The following CNTLN variants were observed in gnomAD, a reference collection of about 807,000 sequenced individuals.
CNTLN encodes centlein, also known as centlein, centrosomal protein.
A neutral mutation model predicts 180.0 loss-of-function variants in CNTLN; 212 were observed. The observed-to-expected ratio is 1.18, with a 90% CI of 1.05 to 1.32. CNTLN has a LOEUF of 1.32. Among genes scored for constraint, CNTLN ranks in the 40% most tolerant of loss-of-function variants. The pLI, the probability that CNTLN is intolerant of heterozygous loss-of-function variation, is 0.00. For synonymous variants in CNTLN, 722 were observed against 563.1 expected (o/e 1.28, Z -3.99); for missense variants, 2,095 against 1,610.9 (o/e 1.30, Z -5.14).
intron 3 of CNTLN, among the ~76,000 whole-genome samples, chr9:17,231,771 T>C (rs1490313871): frequency 2.8e-5 from 4 of 142,900 alleles, no homozygotes; most frequent in African/African-American, 8.7e-5. Flanking sequence ...TATGCTCAAG[T>C]ATTGCCTAAT....
chr9:17,243,551 C>G (rs1249470304), intron 5 of CNTLN, among the ~76,000 whole-genome samples: 1 of 152,062 alleles, frequency 6.6e-6, no homozygotes, highest in Non-Finnish European at 1.5e-5. Flanking sequence ...CAGTTTTCTT[C>G]TTAATTTCTT....
intron 25 of CNTLN, among the ~76,000 whole-genome samples, chr9:17,492,571 C>T (rs1228109547): frequency 1.3e-5 from 2 of 152,054 alleles, no homozygotes; most frequent in Non-Finnish European, 2.9e-5. Flanking sequence ...AAAGCTTAAA[C>T]TCTAAAGTAG....
At chr9:17,500,618 T>TGTTA (rs1232303815) in intron 25 of CNTLN, among the ~76,000 whole-genome samples, 1 of 152,214 alleles carries the variant, frequency 6.6e-6, no homozygotes, top group Non-Finnish European at 1.5e-5. Context: ...GATCAGTGCC[T>TGTTA]GTTAGCCTTT....
intron 12 of CNTLN, among the ~76,000 whole-genome samples, chr9:17,351,512 A>T (rs539535236): frequency 6.6e-6 from 1 of 152,160 alleles, no homozygotes; most frequent in Non-Finnish European, 1.5e-5. Flanking sequence ...ATTATAATCT[A>T]TCAGTTTCCT....
intron 5 of CNTLN, among the ~76,000 whole-genome samples, chr9:17,241,362 C>G (rs1825482556): frequency 6.6e-6 from 1 of 152,178 alleles, no homozygotes. Context: ...AGTGAGTTCA[C>G]TGTAGATGTA....
intron 7 of CNTLN, chr9:17,301,403 A>C: frequency 1.0e-6 from 1 of 985,372 alleles, no homozygotes; most frequent in Non-Finnish European, 1.2e-6. Flanking sequence ...ATATTGAGGC[A>C]GAATAAAAAT....
At chr9:17,263,547 G>T (rs1228935797) in intron 5 of CNTLN, among the ~76,000 whole-genome samples, 6 of 151,304 alleles carry the variant, frequency 4.0e-5, no homozygotes, top group Non-Finnish European at 5.9e-5. Context: ...TAATCCTTTG[G>T]GTGTATACCC....
Position 17,434,688 on chromosome 9 carries a change from T to G in CNTLN, c.3114+18499T>G, listed in dbSNP as rs534515122. Among the ~76,000 whole-genome samples, 48 of 152,320 alleles carry G rather than the reference T, an allele frequency of 3.2e-4. No individual in the cohort carries two copies. In the South Asian group the frequency reaches 9.9e-3, roughly 32 times the overall value. On this transcript the variant is annotated intron_variant, in intron 18 of 25. Coordinates refer to ENST00000380647, the MANE Select transcript of CNTLN (RefSeq NM_017738.4). The stretch of plus-strand genomic sequence containing the variant: ...ACTTGAACAAAATTACGATTTCAGC[T>G]GCTGTTGAATAGAGTGTTTTATAGT...
At chr9:17,433,020 C>CAAAAAAA (rs557721017) in intron 18 of CNTLN, among the ~76,000 whole-genome samples, 6 of 102,296 alleles carry the variant, frequency 5.9e-5, no homozygotes, top group Admixed American at 1.1e-4. Context: ...GACTCTGTCT[C>CAAAAAAA]AAAAAAAAAA....
rs200209954 is a variant in CNTLN at position 17,366,612 on chromosome 9, C to T, written c.1887-5C>T. 415 of 1,409,774 alleles carry T rather than the reference C, an allele frequency of 2.9e-4. No individual in the cohort carries two copies. In the Middle Eastern group the frequency reaches 3.4e-3, roughly 11 times the overall value. 87.3% of individuals were successfully genotyped at this position (1,409,774 alleles called of 1,614,324 possible). On this transcript the variant is annotated splice_polypyrimidine_tract_variant and splice_region_variant and intron_variant, in intron 12 of 25. Transcript: ENST00000380647. ...TTTAAGTAAATGTTTATTGCTTTTT[C>T]ATAGGATGAATCTTGAAGAAGAATT...
intron 2 of CNTLN, among the ~76,000 whole-genome samples, chr9:17,211,417 T>C (rs1170212053): frequency 1.3e-5 from 2 of 151,972 alleles, no homozygotes; most frequent in African/African-American, 4.8e-5. Flanking sequence ...TGGTGATATC[T>C]CTGTTTTGGT....
chr9:17,366,512 T>C, intron 12 of CNTLN, 105 bp from the exon 13 acceptor site: 2 of 505,026 alleles, frequency 4.0e-6, no homozygotes, highest in South Asian at 2.8e-5. Flanking sequence ...TAAAATATCT[T>C]TACTGACTTT....
chr9:17,267,167 T>C (rs12006332), intron 5 of CNTLN, among the ~76,000 whole-genome samples: 2,799 of 152,184 alleles, frequency 0.018, 89 homozygotes, highest in African/African-American at 0.064. Flanking sequence ...GTTTTTGCAG[T>C]GGCTGGTACC....
chr9:17,524,338 T>C, the CNTLN span, among the ~76,000 whole-genome samples: 2 of 152,152 alleles, frequency 1.3e-5, no homozygotes, highest in Non-Finnish European at 2.9e-5. Flanking sequence ...ATATTTCAGT[T>C]TGAGTCTAAA....
chr9:17,512,590 C>T, the CNTLN span, among the ~76,000 whole-genome samples: 3 of 152,170 alleles, frequency 2.0e-5, no homozygotes, highest in South Asian at 2.1e-4. Context: ...CAAACCCCAG[C>T]GTTACATAGT....
At chr9:17,495,698 T>C (rs759584315) in intron 25 of CNTLN, among the ~76,000 whole-genome samples, 9 of 152,304 alleles carry the variant, frequency 5.9e-5, no homozygotes, top group Non-Finnish European at 1.0e-4. Context: ...TCTACAGTAG[T>C]GTACAGTAAT....
intron 6 of CNTLN, among the ~76,000 whole-genome samples, chr9:17,277,960 T>C (rs777321304): frequency 3.9e-5 from 6 of 152,130 alleles, no homozygotes; most frequent in Non-Finnish European, 8.8e-5. Context: ...GACCATCGAT[T>C]ATCAACAACA....
intron 6 of CNTLN, among the ~76,000 whole-genome samples, chr9:17,283,046 G>T (rs542806199): frequency 6.6e-6 from 1 of 152,134 alleles, no homozygotes; most frequent in South Asian, 2.1e-4. Flanking sequence ...TGTTCTTTTC[G>T]CTTAGGATTG....
intron 6 of CNTLN, among the ~76,000 whole-genome samples, chr9:17,285,533 C>A (rs1171143480): frequency 7.3e-6 from 1 of 136,520 alleles, no homozygotes; most frequent in Non-Finnish European, 1.5e-5. Flanking sequence ...AATGGGATGG[C>A]TGGGTCAAAT....
Sources: allele counts gnomAD v4.1 joint callset (sites outside exome capture counted in the v4.1 genomes callset), GRCh38; gene constraint gnomAD v4.1.1; transcripts MANE v1.5; gene names NCBI Gene and HGNC (gene_info 2026-07-23, HGNC 2026-07-21).